The following ACSBG2 variants were observed in gnomAD, a reference collection of about 807,000 sequenced individuals.
The protein encoded by ACSBG2 is acyl-CoA synthetase bubblegum family member 2.
A neutral mutation model predicts 74.7 loss-of-function variants in ACSBG2; 62 were observed. The observed-to-expected ratio is 0.83, with a 90% CI of 0.68 to 1.03. The LOEUF is 1.03. Ranked by LOEUF, ACSBG2 falls within the 50% of genes least tolerant of loss-of-function variation. ACSBG2 has a pLI of 0.00. For missense variants in ACSBG2, 730 were observed against 817.6 expected, an observed-to-expected ratio of 0.89 and a Z score of 1.31; for synonymous variants, 309 against 294.1, an observed-to-expected ratio of 1.05 and a Z score of -0.52.
intron 12 of ACSBG2, 77 bp from the exon 13 acceptor site, chr19:6,187,522 C>T: frequency 7.5e-6 from 12 of 1,604,182 alleles, no homozygotes; most frequent in Non-Finnish European, 1.0e-5. Context: ...GGGTTCAAGA[C>T]CCACTTCTTG....
chr19:6,188,117 G>A (rs1325125747), intron 13 of ACSBG2, among the ~76,000 whole-genome samples: 3 of 152,184 alleles, frequency 2.0e-5, no homozygotes, highest in Non-Finnish European at 4.4e-5. Context: ...TGTTCCTGCA[G>A]CTCTCTGGGC....
In ACSBG2 at chr19:6,187,793, T is replaced by A; in HGVS notation, c.1875T>A (p.Ile625=). 1 of 1,614,202 alleles carries A rather than the reference T, an allele frequency of 6.2e-7. No individual in the cohort carries two copies. The highest frequency in any genetic ancestry group is 8.5e-7 in the Non-Finnish European group (1 of 1,180,036). The stretch of plus-strand genomic sequence containing the variant: ...AAGCCATGAACAATGCACAGAGGAT[T>A]GAAAAGTGGGTCATCTTGGAGAAGG... ...NQEAMNNAQR[I]EKWVILEKDF... Residue 625 remains isoleucine (I), a synonymous_variant, in exon 13 of 15, where the codon ATT becomes ATA. Transcript: ENST00000588485.
chr19:6,192,521 T>C (rs1451781829), intron 14 of ACSBG2, 147 bp from the exon 15 acceptor site: 1 of 152,220 alleles, frequency 6.6e-6, no homozygotes, highest in Non-Finnish European at 1.5e-5. Context: ...AAGTTCATTG[T>C]GGGGAGATTT....
chr19:6,176,566 G>A (rs140262436), intron 7 of ACSBG2: 6 of 263,982 alleles, frequency 2.3e-5, no homozygotes, highest in African/African-American at 6.9e-5. Context: ...CATAAAGATC[G>A]GGGCACTCAC....
intron 2 of ACSBG2, among the ~76,000 whole-genome samples, 187 bp from the exon 3 acceptor site, chr19:6,147,259 G>C (rs940912072): frequency 1.3e-5 from 2 of 152,178 alleles, no homozygotes; most frequent in South Asian, 4.1e-4. Flanking sequence ...TTGGCGGGGC[G>C]GGGAATGAAA....
intron 10 of ACSBG2, among the ~76,000 whole-genome samples, chr19:6,184,212 T>G (rs1288578572): frequency 1.3e-5 from 2 of 152,240 alleles, no homozygotes; most frequent in South Asian, 2.1e-4. Context: ...GTTGGCACTC[T>G]TTACATATTA....
chr19:6,145,262 GGTGCCCACCT>G (rs1386673406), intron 2 of ACSBG2, among the ~76,000 whole-genome samples: 3 of 152,004 alleles, frequency 2.0e-5, no homozygotes, highest in African/African-American at 4.8e-5. Context: ...TGGGTGTGGT[GGTGCCCACCT>G]GTAATCCCCG....
chr19:6,151,847 G>T, intron 4 of ACSBG2, 52 bp downstream of exon 4: 1 of 1,522,838 alleles, frequency 6.6e-7, no homozygotes, highest in South Asian at 1.2e-5. Flanking sequence ...GCTACCCTGG[G>T]CCTGGGACCC....
chr19:6,190,808 TACATACAC>T (rs2090542440), intron 14 of ACSBG2, 116 bp downstream of exon 14: 1 of 387,398 alleles, frequency 2.6e-6, no homozygotes, highest in Non-Finnish European at 4.7e-6. Flanking sequence ...CATACACACA[TACATACAC>T]ACACACACAC....
At chr19:6,150,899 AG>A (rs1484925453) in intron 3 of ACSBG2, among the ~76,000 whole-genome samples, 2 of 152,070 alleles carry the variant, frequency 1.3e-5, no homozygotes, top group Non-Finnish European at 2.9e-5. Context: ...GGATTGCTTG[AG>A]GTCAGGGGTT....
At chr19:6,179,711 G>C (rs1161922163) in intron 8 of ACSBG2, among the ~76,000 whole-genome samples, 1 of 152,082 alleles carries the variant, frequency 6.6e-6, no homozygotes, top group Non-Finnish European at 1.5e-5. Flanking sequence ...TCCACCTCCG[G>C]GTTAAACGAT....
rs191031206 is a variant in ACSBG2 at position 6,145,271 on chromosome 19, C to T, written c.68-2175C>T. On this transcript the variant is annotated intron_variant, in intron 2 of 14. Transcript: ENST00000588485. ...ATTAGCTGGGTGTGGTGGTGCCCAC[C>T]TGTAATCCCCGCTACTTGAGAGGCT... Among the ~76,000 whole-genome samples, 732 of 152,160 alleles carry T rather than the reference C, an allele frequency of 4.8e-3. 2 individuals carry two copies. Among genetic ancestry groups the T allele is most frequent in the South Asian group, 0.014 (67 of 4,816 alleles).
chr19:6,154,402 A>G (rs1003583859), intron 4 of ACSBG2, among the ~76,000 whole-genome samples: 5 of 83,268 alleles, frequency 6.0e-5, no homozygotes, highest in African/African-American at 1.2e-4. Flanking sequence ...CCGTCTCAAA[A>G]AGAGAGAGAG....
At chr19:6,153,535 G>C (rs991367942) in intron 4 of ACSBG2, among the ~76,000 whole-genome samples, 1 of 151,962 alleles carries the variant, frequency 6.6e-6, no homozygotes, top group Non-Finnish European at 1.5e-5. Context: ...CAGCAGCCAC[G>C]GCCATGACAA....
At chr19:6,162,264 C>CAAAAA in intron 6 of ACSBG2, among the ~76,000 whole-genome samples, 1 of 62,874 alleles carries the variant, frequency 1.6e-5, no homozygotes, top group Non-Finnish European at 2.8e-5. Context: ...GACTCTGTCT[C>CAAAAA]AAAAAAAAAA....
At chr19:6,189,707 C>CTTT (rs2090507411) in intron 13 of ACSBG2, 1 of 147,800 alleles carries the variant, frequency 6.8e-6, no homozygotes, top group African/African-American at 2.5e-5. Context: ...TTCTTTCTTT[C>CTTT]TTTCTTTCTT....
Position 6,177,368 on chromosome 19 carries a change from C to T in ACSBG2, c.878C>T (p.Thr293Ile), listed in dbSNP as rs764765355. Reference protein sequence around the residue: ...IWVPIKIGALTYFAQADALKG... With the variant: ...IWVPIKIGALIYFAQADALKG... ...GTACCCATAAAGATTGGGGCGCTCA[C>T]ATACTTTGCTCAAGCAGATGCTCTC... Residue 293 changes from threonine (T) to isoleucine (I), a missense_variant, in exon 8 of 15, where the codon ACA (threonine) becomes ATA (isoleucine). Transcript: ENST00000588485. 1 of 1,606,722 alleles carries T rather than the reference C, an allele frequency of 6.2e-7. No individual in the cohort carries two copies. Among genetic ancestry groups the T allele is most frequent in the South Asian group, 1.1e-5 (1 of 90,080 alleles).
intron 3 of ACSBG2, chr19:6,148,452 CT>C (rs1392454866): frequency 6.6e-6 from 1 of 152,416 alleles, no homozygotes; most frequent in East Asian, 1.9e-4. Context: ...CAAGACCAGC[CT>C]GGGTAACATA....
intron 5 of ACSBG2, among the ~76,000 whole-genome samples, 167 bp from the exon 6 acceptor site, chr19:6,161,048 C>T (rs1406526039): frequency 6.7e-6 from 1 of 149,360 alleles, no homozygotes; most frequent in Non-Finnish European, 1.5e-5. Context: ...TGCAGTGAGC[C>T]GAGATTGGGC....
Sources: allele counts gnomAD v4.1 joint callset (sites outside exome capture counted in the v4.1 genomes callset), GRCh38; gene constraint gnomAD v4.1.1; transcripts MANE v1.5; gene names NCBI Gene and HGNC (gene_info 2026-07-23, HGNC 2026-07-21).